ASTN2: variants seen among roughly 807,000 people sequenced by gnomAD.
The protein encoded by ASTN2 is astrotactin-2.
ASTN2 carries 54 observed loss-of-function variants against 139.8 expected under a neutral mutation model. The ratio of observed to expected loss-of-function variants is 0.39; its 90% CI spans 0.31 to 0.48. The LOEUF (loss-of-function observed/expected upper bound fraction) is 0.48. ASTN2 is among the 20% of genes least tolerant of loss of function. ASTN2 has a pLI of 0.95. For synonymous variants in ASTN2, 756 were observed against 719.5 expected (o/e 1.05, Z -0.81); for missense variants, 1,565 against 1,725.1 (o/e 0.91, Z 1.64).
intron 13 of ASTN2, among the ~76,000 whole-genome samples, chr9:116,741,425 G>T (rs1157762548): frequency 6.6e-6 from 1 of 152,146 alleles, no homozygotes; most frequent in African/African-American, 2.4e-5. Flanking sequence ...CCTCAAAAAA[G>T]GTTGCCTTAA....
intron 1 of ASTN2, among the ~76,000 whole-genome samples, chr9:117,308,762 C>T (rs1827861487): frequency 6.6e-6 from 1 of 151,810 alleles, no homozygotes; most frequent in Non-Finnish European, 1.5e-5. Context: ...TGGTCTAGTT[C>T]ATCTACCTTT....
intron 1 of ASTN2, among the ~76,000 whole-genome samples, chr9:117,337,428 C>A (rs563515205): frequency 9.2e-5 from 14 of 152,266 alleles, no homozygotes; most frequent in Admixed American, 1.3e-4. Flanking sequence ...TCTTTATTAT[C>A]TACCATATGT....
chr9:117,021,539 C>T (rs2132616058), intron 6 of ASTN2, among the ~76,000 whole-genome samples: 1 of 152,226 alleles, frequency 6.6e-6, no homozygotes, highest in Middle Eastern at 3.4e-3. Context: ...TAGTCAACTG[C>T]TATTCTTTGT....
intron 5 of ASTN2, among the ~76,000 whole-genome samples, chr9:117,051,370 T>C (rs1049971813): frequency 2.0e-5 from 3 of 152,130 alleles, no homozygotes; most frequent in Admixed American, 6.6e-5. Flanking sequence ...ATCAAAAAAA[T>C]TGACTCTAAC....
intron 10 of ASTN2, among the ~76,000 whole-genome samples, chr9:116,931,941 A>C (rs923274971): frequency 6.6e-6 from 1 of 152,140 alleles, no homozygotes; most frequent in Non-Finnish European, 1.5e-5. Context: ...GCAATCACAA[A>C]GGGATGGAGA....
chr9:116,698,737 T>C lies in ASTN2; in HGVS notation c.2806+27034A>G. ...GAGATGGACATGAGCCCGGAGGAAG[T>C]GGTTGCCAGCCCTAGGGCCTCACCT... On this transcript the variant is annotated intron_variant, in intron 16 of 22. Transcript: ENST00000313400. This position sits in a 1 kb window ranked among gnomAD's most constrained non-coding sequence, Gnocchi z 4.4. 1 of 1,614,156 alleles carries C rather than the reference T, an allele frequency of 6.2e-7. No individual in the cohort carries two copies. Among genetic ancestry groups the C allele is most frequent in the Middle Eastern group, 1.7e-4 (1 of 6,060 alleles).
chr9:117,257,531 C>A (rs1833719527), intron 2 of ASTN2, among the ~76,000 whole-genome samples: 1 of 152,216 alleles, frequency 6.6e-6, no homozygotes, highest in African/African-American at 2.4e-5. Flanking sequence ...CTTGACAGGG[C>A]TGCTGTAGAA....
intron 10 of ASTN2, among the ~76,000 whole-genome samples, chr9:116,884,787 C>T (rs1172551079): frequency 6.9e-6 from 1 of 144,344 alleles, no homozygotes; most frequent in Non-Finnish European, 1.5e-5. Context: ...GTGTGCATGT[C>T]AATCTCCAAA....
chr9:117,301,697 G>A (rs1207800392), intron 1 of ASTN2, among the ~76,000 whole-genome samples: 1 of 152,140 alleles, frequency 6.6e-6, no homozygotes, highest in Non-Finnish European at 1.5e-5. Flanking sequence ...GGTCACTCAG[G>A]TGCTCTGCCT....
intron 16 of ASTN2, among the ~76,000 whole-genome samples, chr9:116,653,088 T>C (rs971689900): frequency 7.2e-5 from 11 of 152,228 alleles, no homozygotes; most frequent in African/African-American, 2.4e-4. Flanking sequence ...AAAACAATAT[T>C]ATCAACTCTT....
At chr9:117,222,889 AAAGGAGACTCAGAAGAGAAACTGC>A (rs1832573074) in intron 2 of ASTN2, among the ~76,000 whole-genome samples, 2 of 152,132 alleles carry the variant, frequency 1.3e-5, no homozygotes, top group Non-Finnish European at 2.9e-5. Flanking sequence ...ATGAAAAAAA[AAAGGAGACTCAGAAGAGAAACTGC>A]TTAAAACCAT....
intron 3 of ASTN2, among the ~76,000 whole-genome samples, chr9:117,189,778 T>C (rs937184791): frequency 6.6e-6 from 1 of 152,208 alleles, no homozygotes; most frequent in African/African-American, 2.4e-5. Context: ...TCTTGGTCTC[T>C]GATCTGCTGC....
chr9:117,169,519 G>T (rs1355172646), intron 3 of ASTN2, among the ~76,000 whole-genome samples: 1 of 152,120 alleles, frequency 6.6e-6, no homozygotes, highest in Non-Finnish European at 1.5e-5. Context: ...TCCAAACAGA[G>T]GGTATTAATT....
intron 17 of ASTN2, among the ~76,000 whole-genome samples, chr9:116,623,493 T>C (rs558448621): frequency 1.3e-5 from 2 of 152,254 alleles, no homozygotes; most frequent in East Asian, 3.9e-4. Context: ...GGATCACTCT[T>C]TCCTTACCTC....
chr9:117,349,295 C>T (rs1252527681), intron 1 of ASTN2, among the ~76,000 whole-genome samples: 2 of 152,092 alleles, frequency 1.3e-5, no homozygotes, highest in Non-Finnish European at 2.9e-5. Flanking sequence ...GTCATTGATT[C>T]CAGTTTGTTC....
chr9:117,275,226 C>T (rs1441551100), intron 2 of ASTN2, among the ~76,000 whole-genome samples: 2 of 152,200 alleles, frequency 1.3e-5, no homozygotes, highest in African/African-American at 4.8e-5. Context: ...CCAACATGCA[C>T]TTCAAAACTC....
intron 2 of ASTN2, among the ~76,000 whole-genome samples, chr9:117,253,714 C>A (rs913784246): frequency 1.3e-5 from 2 of 152,144 alleles, no homozygotes; most frequent in Non-Finnish European, 2.9e-5. Flanking sequence ...GTCCCTCTGA[C>A]CAGGCAATAT....
At chr9:116,436,384 G>C (rs1564275530) in intron 22 of ASTN2, among the ~76,000 whole-genome samples, 1 of 152,140 alleles carries the variant, frequency 6.6e-6, no homozygotes, top group Non-Finnish European at 1.5e-5. Context: ...ACCCACTCCA[G>C]TTTCTACCAG....
At chr9:116,431,327 T>C (rs537820262) in intron 22 of ASTN2, among the ~76,000 whole-genome samples, 40 of 152,280 alleles carry the variant, frequency 2.6e-4, no homozygotes, top group African/African-American at 9.6e-4. Context: ...TAAGTGTCTC[T>C]GTGTTAGCTG....
Sources: allele counts gnomAD v4.1 joint callset (sites outside exome capture counted in the v4.1 genomes callset), GRCh38; gene constraint gnomAD v4.1.1; non-coding constraint Gnocchi (gnomAD v3.1); transcripts MANE v1.5; gene names NCBI Gene and HGNC (gene_info 2026-07-23, HGNC 2026-07-21).